KCNQ5: variants seen among roughly 807,000 people sequenced by gnomAD.
KCNQ5 encodes the protein potassium voltage-gated channel subfamily Q member 5, also known as potassium voltage-gated channel subfamily KQT member 5.
In KCNQ5, 30 loss-of-function variants were observed where a neutral mutation model predicts 98.2. The observed-to-expected ratio is 0.31, with a 90% CI of 0.23 to 0.41. The LOEUF (loss-of-function observed/expected upper bound fraction) is 0.41, where lower values mean the gene tolerates loss of function less well. Ranked by LOEUF, KCNQ5 falls within the 10% of genes least tolerant of loss-of-function variation. The pLI is 1.00. For missense variants in KCNQ5, 835 were observed against 1,182.5 expected (o/e 0.71, Z 4.31); for synonymous variants, 458 against 449.4 (o/e 1.02, Z -0.24).
intron 1 of KCNQ5, among the ~76,000 whole-genome samples, chr6:72,784,981 A>T (rs1268837404): frequency 2.6e-5 from 4 of 152,198 alleles, no homozygotes. Context: ...AAACTACAAA[A>T]AGCTAAACAG....
intron 9 of KCNQ5, chr6:73,129,675 G>A (rs1776140660): frequency 1.3e-6 from 1 of 745,688 alleles, no homozygotes; most frequent in East Asian, 2.7e-5. Flanking sequence ...AATAGTCTGT[G>A]TACTTCTATA....
intron 11 of KCNQ5, among the ~76,000 whole-genome samples, chr6:73,184,469 A>G (rs1778500235): frequency 6.6e-6 from 1 of 152,244 alleles, no homozygotes; most frequent in African/African-American, 2.4e-5. Context: ...GATCTGTACA[A>G]GAGTCTGCCT....
At chr6:72,938,020 C>T (rs1766026507) in intron 1 of KCNQ5, among the ~76,000 whole-genome samples, 4 of 152,156 alleles carry the variant, frequency 2.6e-5, no homozygotes, top group Admixed American at 2.0e-4. Flanking sequence ...AGAAGTATCA[C>T]CCTGCCCTGA....
At chr6:72,950,541 C>T (rs1766751327) in intron 1 of KCNQ5, among the ~76,000 whole-genome samples, 1 of 152,228 alleles carries the variant, frequency 6.6e-6, no homozygotes, top group African/African-American at 2.4e-5. Flanking sequence ...AGCAGAGCCC[C>T]TCAGCTGTCT....
chr6:72,836,087 CTTGTTATTTTTGT>C (rs1776491310), intron 1 of KCNQ5, among the ~76,000 whole-genome samples: 1 of 152,098 alleles, frequency 6.6e-6, no homozygotes, highest in African/African-American at 2.4e-5. Flanking sequence ...TGGTGGTGTT[CTTGTTATTTTTGT>C]TTGTTATTTT....
intron 5 of KCNQ5, among the ~76,000 whole-genome samples, chr6:73,088,005 C>A (rs187619679): frequency 1.4e-5 from 2 of 138,542 alleles, no homozygotes; most frequent in Admixed American, 8.3e-5. Flanking sequence ...TCCTTGTTTT[C>A]TTTTTCTCTC....
intron 1 of KCNQ5, among the ~76,000 whole-genome samples, chr6:72,801,064 G>A (rs1260070777): frequency 2.2e-4 from 34 of 152,060 alleles, no homozygotes; most frequent in African/African-American, 7.2e-4. Context: ...TCAATTTTGG[G>A]ATAGGTGTGG....
intron 1 of KCNQ5, among the ~76,000 whole-genome samples, chr6:72,830,179 A>G (rs1776186332): frequency 6.6e-6 from 1 of 152,166 alleles, no homozygotes; most frequent in Non-Finnish European, 1.5e-5. Flanking sequence ...TACAGATTCA[A>G]TGCCATCCCC....
intron 2 of KCNQ5, among the ~76,000 whole-genome samples, chr6:73,040,929 T>G (rs1771658948): frequency 6.6e-6 from 1 of 152,242 alleles, no homozygotes; most frequent in African/African-American, 2.4e-5. Flanking sequence ...TTTGTATTTC[T>G]GTGATGTTTG....
intron 2 of KCNQ5, among the ~76,000 whole-genome samples, chr6:73,014,598 G>A (rs920006061): frequency 6.6e-6 from 1 of 152,042 alleles, no homozygotes; most frequent in African/African-American, 2.4e-5. Flanking sequence ...AAGTAAACAT[G>A]GGTTTATTGT....
At chr6:72,839,650 G>GT (rs770819310) in intron 1 of KCNQ5, among the ~76,000 whole-genome samples, 2 of 151,968 alleles carry the variant, frequency 1.3e-5, no homozygotes, top group Non-Finnish European at 2.9e-5. Context: ...CTTTTGTTTT[G>GT]TTTTTTATTT....
At chr6:72,714,687 A>T (rs542811029) in intron 1 of KCNQ5, among the ~76,000 whole-genome samples, 2 of 152,292 alleles carry the variant, frequency 1.3e-5, no homozygotes, top group South Asian at 4.1e-4. Flanking sequence ...GACCAGTTTA[A>T]TTGTCAGCTG....
At chr6:73,167,796 C>A in intron 10 of KCNQ5, among the ~76,000 whole-genome samples, 1 of 152,140 alleles carries the variant, frequency 6.6e-6, no homozygotes, top group South Asian at 2.1e-4. Context: ...AATGCTATGT[C>A]CTCACATGGT....
At chr6:72,741,655 G>T (rs1582204653) in intron 1 of KCNQ5, among the ~76,000 whole-genome samples, 1 of 152,148 alleles carries the variant, frequency 6.6e-6, no homozygotes, top group Admixed American at 6.5e-5. Flanking sequence ...ACATACCTTA[G>T]ATGATGTTAT....
intron 1 of KCNQ5, among the ~76,000 whole-genome samples, chr6:72,778,547 A>T (rs1220442372): frequency 6.6e-6 from 1 of 151,754 alleles, no homozygotes; most frequent in Non-Finnish European, 1.5e-5. Flanking sequence ...ACAGAAAAAA[A>T]AAAAAGAATA....
rs921419185 is a variant in KCNQ5, at chr6:73,162,812, A to T, written c.1469-6934A>T. Among the ~76,000 whole-genome samples the T allele has an allele frequency of 2.6e-5, 4 of 152,208 alleles. No homozygotes were observed. In the East Asian group the frequency reaches 7.7e-4, roughly 29 times the overall value. ...GGACCACTGTCTGTGTGGAGTTGGC[A>T]CATCCTCCTCAGGCCTGCATGGATT... is the stretch of plus-strand genomic sequence containing the variant. On this transcript the variant is annotated intron_variant, in intron 10 of 13. Coordinates refer to ENST00000370398, the MANE Select transcript of KCNQ5 (RefSeq NM_019842.4).
chr6:72,984,781 C>T (rs1768674578), intron 1 of KCNQ5, among the ~76,000 whole-genome samples: 1 of 152,198 alleles, frequency 6.6e-6, no homozygotes. Flanking sequence ...AGAAATCACC[C>T]GTCTTCTGTG....
chr6:73,187,656 T>A lies in KCNQ5; in HGVS notation c.1578-2917T>A, dbSNP rs145079882. On this transcript the variant is annotated intron_variant, in intron 11 of 13. Coordinates refer to ENST00000370398, the MANE Select transcript of KCNQ5 (RefSeq NM_019842.4). ...ATTATGTGAGTATATTGAAATAACA[T>A]AAAAGATAATCAGTTTCATTTTTAG... Among the ~76,000 whole-genome samples, 3 of 151,800 alleles carry A rather than the reference T, an allele frequency of 2.0e-5. No homozygotes were observed. The East Asian group carries it at 5.8e-4, about 29-fold the overall frequency.
Position 72,940,722 on chromosome 6 carries a change from G to C in KCNQ5, c.399-63186G>C, listed in dbSNP as rs115293537. 3.5e-3 allele frequency among the ~76,000 whole-genome samples: 530 copies of C among 152,298 alleles called. 5 individuals are homozygous for C. The highest frequency in any genetic ancestry group is 0.011 in the African/African-American group (470 of 41,578). Reference sequence around the variant, plus strand: ...GTATCAGGTAGCAATTAAGCACAAGGATTCTGAATTTGAGTCTACCTGTGT... The same window carrying C: ...GTATCAGGTAGCAATTAAGCACAAGCATTCTGAATTTGAGTCTACCTGTGT... On this transcript the variant is annotated intron_variant, in intron 1 of 13. Transcript: ENST00000370398.
Sources: allele counts gnomAD v4.1 joint callset (sites outside exome capture counted in the v4.1 genomes callset), GRCh38; gene constraint gnomAD v4.1.1; transcripts MANE v1.5; gene names NCBI Gene and HGNC (gene_info 2026-07-23, HGNC 2026-07-21).